The following GPLD1 variants were observed in gnomAD, a reference collection of about 807,000 sequenced individuals.
The protein encoded by GPLD1 is phosphatidylinositol-glycan-specific phospholipase D.
Under a neutral mutation model 112.6 loss-of-function variants are expected in GPLD1, and 84 were observed. The ratio of observed to expected loss-of-function variants is 0.75; its 90% CI spans 0.63 to 0.89. The LOEUF (loss-of-function observed/expected upper bound fraction) is 0.89. Among genes scored for constraint, GPLD1 ranks in the 40% least tolerant of loss-of-function variants. The pLI is 0.00. For synonymous variants in GPLD1, 386 were observed against 403.8 expected (o/e 0.96, Z 0.53); for missense variants, 1,044 against 1,051.5 (o/e 0.99, Z 0.10).
intron 14 of GPLD1, among the ~76,000 whole-genome samples, chr6:24,451,540 G>A (rs112382640): frequency 6.6e-6 from 1 of 152,158 alleles, no homozygotes; most frequent in Non-Finnish European, 1.5e-5. Flanking sequence ...GTTTCACCAC[G>A]TTGATCAGGC....
At chr6:24,471,114 A>G (rs1014793407) in intron 7 of GPLD1, among the ~76,000 whole-genome samples, 1 of 152,228 alleles carries the variant, frequency 6.6e-6, no homozygotes, top group Non-Finnish European at 1.5e-5. Context: ...ATAAAGCTAC[A>G]GCAATTAAAA....
At chr6:24,448,234 A>C (rs1762974912) in intron 15 of GPLD1, 26 bp from the exon 16 acceptor site, 2 of 1,494,390 alleles carry the variant, frequency 1.3e-6, no homozygotes, top group Non-Finnish European at 9.3e-7. Context: ...CAGCAGATAG[A>C]CATGAGGCTC....
chr6:24,462,833 T>G, intron 10 of GPLD1, 38 bp from the exon 11 acceptor site: 1 of 1,108,082 alleles, frequency 9.0e-7, no homozygotes, highest in Non-Finnish European at 1.3e-6. Flanking sequence ...ATTTATCTAC[T>G]TCTTCACAAG....
intron 20 of GPLD1, among the ~76,000 whole-genome samples, chr6:24,438,053 A>G (rs1383226263): frequency 6.6e-6 from 1 of 152,206 alleles, no homozygotes; most frequent in African/African-American, 2.4e-5. Context: ...TCCTGACCCC[A>G]GGACCTCTGA....
chr6:24,482,145 G>C (rs1764224486), intron 2 of GPLD1, among the ~76,000 whole-genome samples: 1 of 142,472 alleles, frequency 7.0e-6, no homozygotes, highest in South Asian at 2.2e-4. Context: ...CTGTCACCGG[G>C]CTGGAGTGCA....
intron 7 of GPLD1, 118 bp from the exon 8 acceptor site, chr6:24,467,392 T>C: frequency 1.5e-6 from 1 of 654,662 alleles, no homozygotes; most frequent in East Asian, 2.7e-5. Flanking sequence ...CATGTAAAAG[T>C]CTTTACATGC....
intron 3 of GPLD1, 45 bp downstream of exon 3, chr6:24,479,836 A>G: frequency 1.0e-6 from 1 of 1,003,548 alleles, no homozygotes; most frequent in South Asian, 1.3e-5. Context: ...ATTCCTATTA[A>G]CCAAGTAAAA....
In GPLD1 at chr6:24,467,294, G is replaced by A. The variant is rs1272470658; in HGVS notation, c.546-20C>T. ...ACATACCTGAAAAATGCAGAATAAA[G>A]TAAGAGTTGTTTTGATTCTGAAGCT... is the stretch of plus-strand genomic sequence containing the variant. On this transcript the variant is annotated intron_variant, in intron 7 of 24. Transcript: ENST00000230036. The A allele has an allele frequency of 7.8e-7, 1 of 1,289,356 alleles. No individual in the cohort carries two copies. The allele number at this position is 1,289,356 out of a possible 1,614,324, so 79.9% of individuals were successfully genotyped here. A position where few individuals can be genotyped will look rare whatever the true frequency, so the allele number is the denominator to read the frequency against.
In GPLD1 at chr6:24,433,146, T is replaced by C. The variant is rs778525544; in HGVS notation, c.2436+41A>G. On this transcript the variant is annotated intron_variant, in intron 24 of 24. Coordinates refer to ENST00000230036, the MANE Select transcript of GPLD1 (RefSeq NM_001503.4). ...TGAGACCACCAAATCCCACCCGTAG[T>C]ACTAACATAAACATCAATGAAGTTC... 19 of 1,363,078 alleles carry C rather than the reference T, an allele frequency of 1.4e-5. No individual in the cohort carries two copies. In the Admixed American group the frequency reaches 3.0e-4, roughly 22 times the overall value. The allele number at this position is 1,363,078 out of a possible 1,614,324, so 84.4% of individuals were successfully genotyped here. A position where few individuals can be genotyped will look rare whatever the true frequency, so the allele number is the denominator to read the frequency against.
intron 3 of GPLD1, among the ~76,000 whole-genome samples, chr6:24,476,959 C>CA (rs1405152302): frequency 4.6e-5 from 7 of 152,020 alleles, no homozygotes; most frequent in Admixed American, 1.3e-4. Flanking sequence ...TCAGATCCCT[C>CA]AGTTCAATTT....
At chr6:24,457,021 C>T (rs1763291213) in intron 12 of GPLD1, among the ~76,000 whole-genome samples, 1 of 152,162 alleles carries the variant, frequency 6.6e-6, no homozygotes, top group Non-Finnish European at 1.5e-5. Flanking sequence ...CAGGTGCTCG[C>T]CACCACACCC....
upstream of GPLD1, chr6:24,489,751 T>A: frequency 3.7e-6 from 2 of 538,484 alleles, no homozygotes; most frequent in Non-Finnish European, 6.2e-6. Flanking sequence ...GTTGGGAGGA[T>A]AAACTGAAAT....
Position 24,447,930 on chromosome 6 carries a change from T to C in GPLD1, c.1625A>G (p.Lys542Arg). Residue 542 changes from lysine (K) to arginine (R), a missense_variant, in exon 17 of 25, where the codon AAG (lysine) becomes AGG (arginine). Transcript: ENST00000230036. ...IGSPFAPGGG[K>R]QKGIVAAFYS... ...AAACGCAGCCACAATTCCCTTCTGC[T>C]TCCCTCCACCTGGTGCAAAAGGGGA... is the stretch of plus-strand genomic sequence containing the variant. 1 of 1,614,028 alleles carries C rather than the reference T, an allele frequency of 6.2e-7. No homozygotes were observed.
intron 20 of GPLD1, among the ~76,000 whole-genome samples, chr6:24,441,134 CT>C (rs1762733363): frequency 1.7e-5 from 2 of 117,448 alleles, no homozygotes; most frequent in Non-Finnish European, 3.8e-5. Context: ...GAAACTCCAT[CT>C]CTACTAAAAA....
chr6:24,448,390 G>A (rs1053655154), intron 15 of GPLD1, among the ~76,000 whole-genome samples, 182 bp from the exon 16 acceptor site: 4 of 139,818 alleles, frequency 2.9e-5, no homozygotes, highest in Admixed American at 7.3e-5. Flanking sequence ...GAGCAGCCTC[G>A]AAAACACAGT....
At chr6:24,495,287 G>A (rs973569793), upstream of GPLD1, 10 of 1,532,454 alleles carry the variant, frequency 6.5e-6, no homozygotes, top group South Asian at 1.2e-5. Context: ...GGGTGCGAGA[G>A]GCCCGCGCCG....
Position 24,436,630 on chromosome 6 carries a change from A to G in GPLD1, c.2304T>C (p.Leu768=). The change falls in exon 22 of 25, where the codon CTT becomes CTC. Residue 768 remains leucine, a synonymous_variant. Coordinates refer to ENST00000230036, the MANE Select transcript of GPLD1 (RefSeq NM_001503.4). ...VYVYNGKETT[L]GDMTGKCKSW... is the part of the protein sequence containing the mutation. Reference sequence around the variant, plus strand: ...ATTTGCATTTGCCAGTCATGTCACCAAGGGTGGTCTCTTTGCCATTATATA... The same window carrying G: ...ATTTGCATTTGCCAGTCATGTCACCGAGGGTGGTCTCTTTGCCATTATATA... 1 of 1,614,060 alleles carries G rather than the reference A, an allele frequency of 6.2e-7. No homozygotes were observed. The highest frequency in any genetic ancestry group is 1.1e-5 in the South Asian group (1 of 91,086).
chr6:24,482,722 G>A (rs1764245344), intron 2 of GPLD1, among the ~76,000 whole-genome samples: 1 of 150,902 alleles, frequency 6.6e-6, no homozygotes, highest in South Asian at 2.2e-4. Flanking sequence ...ACTTTGGGAG[G>A]ATGAGGTCAG....
downstream of GPLD1, chr6:24,424,560 T>C (rs1486250816): frequency 6.6e-6 from 1 of 152,216 alleles, no homozygotes; most frequent in Non-Finnish European, 1.5e-5. Context: ...AACTGTGATA[T>C]CTTCTCATTT....
Sources: allele counts gnomAD v4.1 joint callset (sites outside exome capture counted in the v4.1 genomes callset), GRCh38; gene constraint gnomAD v4.1.1; transcripts MANE v1.5; gene names NCBI Gene and HGNC (gene_info 2026-07-23, HGNC 2026-07-21).